ADARB2: variants seen among roughly 807,000 people sequenced by gnomAD.
ADARB2 encodes the protein inactive double-stranded RNA-specific editase B2.
Under a neutral mutation model 62.2 loss-of-function variants are expected in ADARB2, and 25 were observed. The ratio of observed to expected loss-of-function variants is 0.40; its 90% CI spans 0.29 to 0.56. ADARB2 has a LOEUF of 0.56. Ranked by LOEUF, ADARB2 falls within the 20% of genes least tolerant of loss-of-function variation. ADARB2 has a pLI of 0.43. For synonymous variants in ADARB2, 572 were observed against 500.8 expected (o/e 1.14, Z -1.90); for missense variants, 1,071 against 1,077.4 (o/e 0.99, Z 0.08).
In ADARB2 at chr10:1,474,410, A is replaced by T. The variant is rs183902153; in HGVS notation, c.101-95250T>A. ...TCAGAGCAGGGGCAGCCCGGTCTAC[A>T]TTGGGGGTCAGTGGGTCTTCAGAAA... On this transcript the variant is annotated intron_variant, in intron 1 of 9. Coordinates refer to ENST00000381312, the MANE Select transcript of ADARB2 (RefSeq NM_018702.4). 9.1e-3 allele frequency among the ~76,000 whole-genome samples: 1,383 copies of T among 152,284 alleles called. 19 individuals carry two copies. The highest frequency in any genetic ancestry group is 0.031 in the African/African-American group (1,297 of 41,566).
At chr10:1,600,694 T>A (rs943666242) in intron 1 of ADARB2, among the ~76,000 whole-genome samples, 1 of 149,124 alleles carries the variant, frequency 6.7e-6, no homozygotes, top group Non-Finnish European at 1.5e-5. Context: ...AGATTCAGTG[T>A]TACCAGAAAG....
intron 1 of ADARB2, among the ~76,000 whole-genome samples, chr10:1,568,926 T>A (rs773870444): frequency 7.2e-5 from 11 of 152,052 alleles, no homozygotes; most frequent in Non-Finnish European, 1.5e-4. Context: ...CCCAAGTGAA[T>A]AAGTTACGAT....
intron 1 of ADARB2, among the ~76,000 whole-genome samples, chr10:1,574,561 G>C (rs1433787273): frequency 6.6e-6 from 1 of 152,042 alleles, no homozygotes; most frequent in Non-Finnish European, 1.5e-5. Flanking sequence ...CAAGGTCAAG[G>C]TGTCGGCAGG....
intron 1 of ADARB2, among the ~76,000 whole-genome samples, chr10:1,456,392 G>A (rs1204323397): frequency 6.6e-6 from 1 of 152,128 alleles, no homozygotes; most frequent in Non-Finnish European, 1.5e-5. Flanking sequence ...CCCGGAAGAC[G>A]TCTGCTCTTC....
At chr10:1,641,311 G>C (rs899222147) in intron 1 of ADARB2, among the ~76,000 whole-genome samples, 1 of 152,240 alleles carries the variant, frequency 6.6e-6, no homozygotes, top group Non-Finnish European at 1.5e-5. Flanking sequence ...ACGAAGTGGT[G>C]TGTTTCCACT....
At chr10:1,710,526 T>G (rs532128082) in intron 1 of ADARB2, among the ~76,000 whole-genome samples, 37 of 152,230 alleles carry the variant, frequency 2.4e-4, no homozygotes, top group South Asian at 8.3e-4. Flanking sequence ...AGCCTGCACT[T>G]GGGTGCTGGG....
intron 1 of ADARB2, among the ~76,000 whole-genome samples, chr10:1,634,925 C>A (rs1833894861): frequency 6.6e-6 from 1 of 152,086 alleles, no homozygotes; most frequent in Non-Finnish European, 1.5e-5. Flanking sequence ...TCATTCTAGT[C>A]GATTCTTGGT....
intron 1 of ADARB2, among the ~76,000 whole-genome samples, chr10:1,480,159 A>G (rs573406712): frequency 6.6e-6 from 1 of 152,250 alleles, no homozygotes. Flanking sequence ...TACCACTTTT[A>G]TTTAATACAG....
intron 7 of ADARB2, among the ~76,000 whole-genome samples, chr10:1,203,370 G>C (rs1371282349): frequency 2.6e-5 from 4 of 152,184 alleles, no homozygotes; most frequent in East Asian, 1.9e-4. Flanking sequence ...ACCTCAGGCT[G>C]TCCCTGCAGG....
intron 1 of ADARB2, among the ~76,000 whole-genome samples, chr10:1,610,761 C>CACACACATGCACAG (rs1833559039): frequency 6.6e-6 from 1 of 152,192 alleles, no homozygotes; most frequent in Non-Finnish European, 1.5e-5. Context: ...CACACACACA[C>CACACACATGCACAG]ACACACACAT....
At chr10:1,662,675 A>AACCCATGGCTTCCAGCAGGCCAGAG (rs1246746571) in intron 1 of ADARB2, among the ~76,000 whole-genome samples, 5 of 152,218 alleles carry the variant, frequency 3.3e-5, no homozygotes, top group African/African-American at 4.8e-5. Flanking sequence ...GGCCCCTCGA[A>AACCCATGGCTTCCAGCAGGCCAGAG]ACCCATGGCT....
intron 1 of ADARB2, among the ~76,000 whole-genome samples, chr10:1,613,461 G>A (rs1048145560): frequency 1.3e-5 from 2 of 152,136 alleles, no homozygotes; most frequent in Non-Finnish European, 2.9e-5. Flanking sequence ...ATTTCAAAGC[G>A]AATTTGAAAA....
At chr10:1,588,312 T>C (rs1341035293) in intron 1 of ADARB2, among the ~76,000 whole-genome samples, 3 of 152,190 alleles carry the variant, frequency 2.0e-5, no homozygotes, top group African/African-American at 7.2e-5. Context: ...CCGGATGCTA[T>C]GTCAAGGTGG....
chr10:1,563,062 G>A (rs147310430), intron 1 of ADARB2, among the ~76,000 whole-genome samples: 22 of 151,734 alleles, frequency 1.4e-4, no homozygotes, highest in Non-Finnish European at 2.7e-4. Context: ...TGTGTCCTCC[G>A]CACGTGACCT....
intron 6 of ADARB2, among the ~76,000 whole-genome samples, chr10:1,226,055 C>T (rs958108297): frequency 1.1e-4 from 16 of 152,176 alleles, no homozygotes; most frequent in South Asian, 2.1e-4. Context: ...ACCAATCAGA[C>T]GTAGATTTGG....
intron 1 of ADARB2, among the ~76,000 whole-genome samples, chr10:1,601,638 C>G (rs1424443628): frequency 6.6e-6 from 1 of 152,126 alleles, no homozygotes; most frequent in Non-Finnish European, 1.5e-5. Context: ...AGCAGCTCAC[C>G]AAAAAGAACC....
chr10:1,594,176 G>T (rs1437181154), intron 1 of ADARB2, among the ~76,000 whole-genome samples: 2 of 152,160 alleles, frequency 1.3e-5, no homozygotes, highest in Non-Finnish European at 2.9e-5. Flanking sequence ...TGTAATCCCA[G>T]CTACTCGGGA....
chr10:1,363,807 G>A lies in ADARB2; in HGVS notation c.298C>T (p.Arg100Trp). The change falls in exon 3 of 10, where the codon CGG (arginine) becomes TGG (tryptophan). Residue 100 changes from arginine to tryptophan, a missense_variant. By Grantham distance (101) the Arg-to-Trp change is moderately radical. Transcript: ENST00000381312. ...CCCCCATTCCCCTCCTCCAGCGGCC[G>A]CTTCCTCTTCGCGCCGGGCGCGCCG... ...RGGAPGAKRK[R>W]PLEEGNGGHL... 6.3e-7 allele frequency: 1 copy of A among 1,595,198 alleles called. No homozygotes were observed.
chr10:1,680,450 T>C (rs1473528383), intron 1 of ADARB2, among the ~76,000 whole-genome samples: 1 of 152,048 alleles, frequency 6.6e-6, no homozygotes, highest in African/African-American at 2.4e-5. Context: ...CTGCTGATCG[T>C]CTTAGCCAGG....
Sources: gnomAD v4.1 joint callset for allele counts (sites outside exome capture counted in the v4.1 genomes callset) on GRCh38, gnomAD v4.1.1 for gene constraint, MANE v1.5 for transcripts, NCBI Gene and HGNC (gene_info 2026-07-23, HGNC 2026-07-21) for gene names.